GPC6: variants seen among roughly 807,000 people sequenced by gnomAD.
The protein encoded by GPC6 is glypican-6.
A neutral mutation model predicts 55.2 loss-of-function variants in GPC6; 14 were observed. That is an observed-to-expected ratio of 0.25 (90% CI 0.17 to 0.40). GPC6 has a LOEUF of 0.40. Ranked by LOEUF, GPC6 falls within the 10% of genes least tolerant of loss-of-function variation. The pLI is 1.00. For synonymous variants in GPC6, 278 were observed against 259.6 expected, an observed-to-expected ratio of 1.07 and a Z score of -0.68; for missense variants, 641 against 708.5, an observed-to-expected ratio of 0.90 and a Z score of 1.08.
At chr13:94,042,991 A>G (rs901071681) in intron 4 of GPC6, among the ~76,000 whole-genome samples, 2 of 151,838 alleles carry the variant, frequency 1.3e-5, no homozygotes, top group Admixed American at 6.6e-5. Context: ...TAATCCAATA[A>G]TGTCATTATT....
At chr13:94,351,962 C>CAAAAAAAAAAAAAAAAAAAAA (rs60206836) in intron 6 of GPC6, among the ~76,000 whole-genome samples, 17 of 101,512 alleles carry the variant, frequency 1.7e-4, no homozygotes, top group East Asian at 3.1e-4. Flanking sequence ...GAGAAGAAGG[C>CAAAAAAAAAAAAAAAAAAAAA]AAAAAAAAAA....
At chr13:94,000,151 T>C (rs529380090) in intron 3 of GPC6, among the ~76,000 whole-genome samples, 1 of 152,160 alleles carries the variant, frequency 6.6e-6, no homozygotes, top group Non-Finnish European at 1.5e-5. Flanking sequence ...TCTTTGTGGC[T>C]CCTACTCACT....
intron 4 of GPC6, among the ~76,000 whole-genome samples, chr13:94,100,283 G>A (rs1279895224): frequency 1.3e-5 from 2 of 152,096 alleles, no homozygotes; most frequent in Non-Finnish European, 2.9e-5. Context: ...GGGAAATGGG[G>A]TAGCAAAGGA....
chr13:94,119,453 G>GGGGC (rs1886550048), intron 4 of GPC6, among the ~76,000 whole-genome samples: 1 of 151,850 alleles, frequency 6.6e-6, no homozygotes, highest in African/African-American at 2.4e-5. Context: ...CGGTGAAGGA[G>GGGGC]CAATAGGGCA....
At chr13:93,978,508 A>T (rs960670942) in intron 3 of GPC6, among the ~76,000 whole-genome samples, 2 of 152,216 alleles carry the variant, frequency 1.3e-5, no homozygotes, top group Non-Finnish European at 1.5e-5. Flanking sequence ...GAATATGTAC[A>T]GGAAGATATA....
chr13:94,211,174 TG>T (rs563143033), intron 4 of GPC6, among the ~76,000 whole-genome samples: 63 of 152,346 alleles, frequency 4.1e-4, no homozygotes, highest in African/African-American at 1.5e-3. Context: ...TTTTTTGTTT[TG>T]TTTTGTTTTC....
chr13:94,256,349 T>C (rs553949195), intron 4 of GPC6, among the ~76,000 whole-genome samples: 1 of 152,252 alleles, frequency 6.6e-6, no homozygotes, highest in South Asian at 2.1e-4. Context: ...AGGGGACCCT[T>C]GAAAGACAAC....
Position 93,329,212 on chromosome 13 carries a change from G to A in GPC6, c.160+101596G>A, listed in dbSNP as rs756521813. On this transcript the variant is annotated intron_variant, in intron 1 of 8. Coordinates refer to ENST00000377047, the MANE Select transcript of GPC6 (RefSeq NM_005708.5). ...CAGGCACTCAGATTCCCTAGGTTTC[G>A]TGGCAAACCTAACTGCCCACAGATA... Among the ~76,000 whole-genome samples, 160 of 152,158 alleles carry A rather than the reference G, an allele frequency of 1.1e-3. 2 individuals carry two copies. The highest frequency in any genetic ancestry group is 2.1e-3 in the Non-Finnish European group (142 of 67,986).
intron 4 of GPC6, among the ~76,000 whole-genome samples, chr13:94,184,837 C>T (rs1178024824): frequency 2.0e-5 from 3 of 152,172 alleles, no homozygotes; most frequent in Admixed American, 6.5e-5. Context: ...AAAATGCATA[C>T]ACTCATATGT....
At chr13:93,808,069 C>T (rs1324962581) in intron 2 of GPC6, among the ~76,000 whole-genome samples, 1 of 152,162 alleles carries the variant, frequency 6.6e-6, no homozygotes, top group Non-Finnish European at 1.5e-5. Context: ...TCCTGAGTCA[C>T]CCTAGTGTCT....
At chr13:94,031,925 G>A (rs1319904249) in intron 4 of GPC6, among the ~76,000 whole-genome samples, 1 of 148,156 alleles carries the variant, frequency 6.7e-6, no homozygotes, top group Non-Finnish European at 1.5e-5. Flanking sequence ...TTAAAATTGA[G>A]GATGTGTGGG....
intron 4 of GPC6, among the ~76,000 whole-genome samples, chr13:94,226,170 A>G (rs1219684071): frequency 1.3e-5 from 2 of 152,140 alleles, no homozygotes; most frequent in Non-Finnish European, 2.9e-5. Flanking sequence ...CTCATCAAAT[A>G]TTTACTTAAA....
intron 6 of GPC6, among the ~76,000 whole-genome samples, chr13:94,355,126 C>CTAT (rs1341443879): frequency 1.3e-5 from 2 of 151,872 alleles, no homozygotes; most frequent in East Asian, 3.9e-4. Flanking sequence ...CAGATTGAAG[C>CTAT]TATTCTCCTG....
chr13:93,620,073 G>A (rs1239501115), intron 2 of GPC6, among the ~76,000 whole-genome samples: 4 of 152,052 alleles, frequency 2.6e-5, no homozygotes, highest in Admixed American at 2.6e-4. Context: ...AGGACTTTAT[G>A]CCTTTTCTAA....
chr13:93,392,911 G>A (rs568117459), intron 1 of GPC6, among the ~76,000 whole-genome samples: 58 of 151,918 alleles, frequency 3.8e-4, no homozygotes, highest in Middle Eastern at 3.4e-3. Flanking sequence ...ATCTAAACCC[G>A]TGTATTTTAA....
chr13:93,815,266 G>A (rs1307197346), intron 2 of GPC6, among the ~76,000 whole-genome samples: 2 of 152,066 alleles, frequency 1.3e-5, no homozygotes, highest in Admixed American at 6.5e-5. Flanking sequence ...TAAGCCTGTG[G>A]CATGAATAAT....
chr13:93,758,340 G>A (rs1594431820), intron 2 of GPC6, among the ~76,000 whole-genome samples: 1 of 152,144 alleles, frequency 6.6e-6, no homozygotes, highest in Admixed American at 6.6e-5. Context: ...TATGACTGAG[G>A]TATTGAGGGA....
intron 3 of GPC6, among the ~76,000 whole-genome samples, chr13:93,954,649 C>T (rs1259057283): frequency 6.6e-6 from 1 of 152,170 alleles, no homozygotes; most frequent in African/African-American, 2.4e-5. Context: ...CACAGAGAAG[C>T]ATGTCCCAGT....
chr13:93,332,221 C>T (rs1326086157), intron 1 of GPC6, among the ~76,000 whole-genome samples: 1 of 151,408 alleles, frequency 6.6e-6, no homozygotes, highest in Non-Finnish European at 1.5e-5. Context: ...GATCCATACC[C>T]AGCAATAGGA....
Sources: allele counts gnomAD v4.1 joint callset (sites outside exome capture counted in the v4.1 genomes callset), GRCh38; gene constraint gnomAD v4.1.1; transcripts MANE v1.5; gene names NCBI Gene and HGNC (gene_info 2026-07-23, HGNC 2026-07-21).